The following KALRN variants were observed in gnomAD, a reference collection of about 807,000 sequenced individuals.
KALRN encodes kalirin RhoGEF kinase.
KALRN carries 70 observed loss-of-function variants against 353.7 expected under a neutral mutation model. The ratio of observed to expected loss-of-function variants is 0.20; its 90% CI spans 0.16 to 0.24. The LOEUF (loss-of-function observed/expected upper bound fraction) is 0.24. Among genes scored for constraint, KALRN ranks in the 10% least tolerant of loss-of-function variants. KALRN has a pLI of 1.00. For synonymous variants in KALRN, 1,391 were observed against 1,434.8 expected, an observed-to-expected ratio of 0.97 and a Z score of 0.69; for missense variants, 2,791 against 3,756.7, an observed-to-expected ratio of 0.74 and a Z score of 6.72.
At chr3:124,250,983 C>T (rs1262884380) in intron 3 of KALRN, among the ~76,000 whole-genome samples, 1 of 152,220 alleles carries the variant, frequency 6.6e-6, no homozygotes, top group Non-Finnish European at 1.5e-5. Flanking sequence ...GCCAGCTAGA[C>T]CAGACTCTAG....
chr3:124,578,422 TGGCA>T (rs1166469748), intron 34 of KALRN, among the ~76,000 whole-genome samples: 5 of 152,176 alleles, frequency 3.3e-5, no homozygotes, highest in African/African-American at 1.2e-4. Context: ...CCAGGGAGCA[TGGCA>T]GGCAGTGGAA....
chr3:124,642,816 T>TGTTG (rs1559750191), intron 37 of KALRN, among the ~76,000 whole-genome samples: 29 of 140,210 alleles, frequency 2.1e-4, no homozygotes, highest in African/African-American at 3.5e-4. Flanking sequence ...GTTTTTTTTT[T>TGTTG]TTTTTTTTTT....
intron 33 of KALRN, among the ~76,000 whole-genome samples, chr3:124,532,542 A>G (rs2068129994): frequency 6.6e-6 from 1 of 152,206 alleles, no homozygotes; most frequent in Admixed American, 6.5e-5. Flanking sequence ...ATGGTGGCTC[A>G]TGCCTGTAAT....
chr3:124,187,598 A>G (rs1225113412), intron 1 of KALRN, among the ~76,000 whole-genome samples: 2 of 152,204 alleles, frequency 1.3e-5, no homozygotes, highest in Non-Finnish European at 2.9e-5. Context: ...GAGGCCATGA[A>G]TGGCAGAGTA....
intron 1 of KALRN, among the ~76,000 whole-genome samples, chr3:124,069,502 C>G (rs562951228): frequency 6.6e-6 from 1 of 152,296 alleles, no homozygotes; most frequent in East Asian, 1.9e-4. Context: ...ATCTGCTGCT[C>G]CCTTTCACTT....
chr3:124,668,055 C>G (rs1404178137), intron 47 of KALRN, among the ~76,000 whole-genome samples: 1 of 99,734 alleles, frequency 1.0e-5, no homozygotes, highest in Admixed American at 9.5e-5. Context: ...CACACACACA[C>G]ACACACACAC....
At chr3:124,404,522 C>G (rs886801906) in intron 13 of KALRN, among the ~76,000 whole-genome samples, 16 of 151,902 alleles carry the variant, frequency 1.1e-4, no homozygotes, top group African/African-American at 3.9e-4. Context: ...ACTTCATCAC[C>G]TGTCTTGTCT....
intron 33 of KALRN, among the ~76,000 whole-genome samples, chr3:124,550,783 A>T (rs2070406667): frequency 6.6e-6 from 1 of 152,032 alleles, no homozygotes; most frequent in Non-Finnish European, 1.5e-5. Flanking sequence ...AGGTCAGGAG[A>T]TCGAGACCAC....
At chr3:124,130,214 C>T (rs1485906333) in intron 1 of KALRN, among the ~76,000 whole-genome samples, 1 of 152,100 alleles carries the variant, frequency 6.6e-6, no homozygotes, top group Non-Finnish European at 1.5e-5. Flanking sequence ...GGGAGGTGCT[C>T]TGGGCTGCTG....
At chr3:124,313,142 G>C (rs73188200) in intron 6 of KALRN, among the ~76,000 whole-genome samples, 39,506 of 152,100 alleles carry the variant, frequency 0.26, 6,808 homozygotes, top group Non-Finnish European at 0.38. Context: ...CATGCTTACA[G>C]TGTCCCCAGG....
At chr3:124,705,852 C>T (rs1235879576) in intron 57 of KALRN, among the ~76,000 whole-genome samples, 1 of 149,708 alleles carries the variant, frequency 6.7e-6, no homozygotes, top group Non-Finnish European at 1.5e-5. Flanking sequence ...TCCTTCCTTC[C>T]CTCCCTCCCT....
intron 34 of KALRN, among the ~76,000 whole-genome samples, chr3:124,618,384 G>A (rs1461662145): frequency 1.3e-5 from 2 of 151,952 alleles, no homozygotes; most frequent in African/African-American, 2.4e-5. Flanking sequence ...CAAAGTGCTG[G>A]GATTATAGGC....
chr3:124,369,162 A>G (rs627830), intron 10 of KALRN, among the ~76,000 whole-genome samples: 88,273 of 152,146 alleles, frequency 0.58, 26,013 homozygotes, highest in East Asian at 0.89. Flanking sequence ...GGCTCTACAT[A>G]ACTAGAAAAT....
chr3:124,592,463 AAGAT>A (rs766240082), intron 34 of KALRN, among the ~76,000 whole-genome samples: 7 of 147,710 alleles, frequency 4.7e-5, no homozygotes, highest in Non-Finnish European at 1.1e-4. Flanking sequence ...ATAAAAAAAA[AAGAT>A]AGCCAATTGC....
At position 124,329,891 on chromosome 3, in the gene KALRN, A is replaced by C; in HGVS notation, c.1315A>C (p.Met439Leu). 1.2e-6 allele frequency: 2 copies of C among 1,613,696 alleles called. No homozygotes were observed. The highest frequency in any genetic ancestry group is 8.5e-7 in the Non-Finnish European group (1 of 1,179,842). ...FLSGVDAWCK[M>L]CSEGGLPSEM... ...GTCGGGAGTGGATGCCTGGTGCAAG[A>C]TGTGCAGTGAAGGTGGTCTGCCATC... Residue 439 changes from methionine (M) to leucine (L), a missense_variant, in exon 8 of 60, where the codon ATG (methionine) becomes CTG (leucine). This residue lies in a region of KALRN where 366 missense variants were observed against 489.2 expected (regional missense o/e 0.75). Transcript: ENST00000682506.
At chr3:124,336,696 A>T (rs1056236236) in intron 9 of KALRN, among the ~76,000 whole-genome samples, 1 of 152,322 alleles carries the variant, frequency 6.6e-6, no homozygotes, top group Admixed American at 6.5e-5. Context: ...GTTGTTCTGC[A>T]TCATGCTTTC....
At chr3:124,329,594 T>C (rs895808639) in intron 7 of KALRN, among the ~76,000 whole-genome samples, 16 of 152,192 alleles carry the variant, frequency 1.1e-4, no homozygotes, top group African/African-American at 3.4e-4. Context: ...CTATAACCTA[T>C]TGAACATCTG....
At chr3:124,693,638 A>T (rs2061925828) in intron 51 of KALRN, among the ~76,000 whole-genome samples, 166 bp from the exon 52 acceptor site, 1 of 152,172 alleles carries the variant, frequency 6.6e-6, no homozygotes, top group South Asian at 2.1e-4. Flanking sequence ...TGCTAAAGAG[A>T]GGTTTTACTA....
At chr3:124,229,445 C>T (rs968193528) in intron 2 of KALRN, among the ~76,000 whole-genome samples, 3 of 152,238 alleles carry the variant, frequency 2.0e-5, no homozygotes, top group African/African-American at 7.2e-5. Flanking sequence ...AAACATGCCA[C>T]GTGCTTATAC....
Sources: allele counts gnomAD v4.1 joint callset (sites outside exome capture counted in the v4.1 genomes callset), GRCh38; gene constraint gnomAD v4.1.1; regional missense constraint gnomAD v4.1.1; transcripts MANE v1.5; gene names NCBI Gene and HGNC (gene_info 2026-07-23, HGNC 2026-07-21).